The following OXR1 variants were observed in gnomAD, a reference collection of about 807,000 sequenced individuals.
OXR1 encodes oxidation resistance protein 1.
A neutral mutation model predicts 104.6 loss-of-function variants in OXR1; 41 were observed. That is an observed-to-expected ratio of 0.39 (90% CI 0.31 to 0.51). OXR1 has a LOEUF of 0.51. Among genes scored for constraint, OXR1 ranks in the 20% least tolerant of loss-of-function variants. The pLI is 0.77. For missense variants in OXR1, 955 were observed against 1,031.9 expected (o/e 0.93, Z 1.02); for synonymous variants, 348 against 348.4 (o/e 1.00, Z 0.01).
chr8:106,357,281 G>C (rs1348387377), intron 1 of OXR1, among the ~76,000 whole-genome samples: 1 of 151,870 alleles, frequency 6.6e-6, no homozygotes, highest in Non-Finnish European at 1.5e-5. Context: ...ATACAGCTTG[G>C]AAACTTTTGA....
At chr8:106,575,908 G>T (rs1817790423) in intron 3 of OXR1, among the ~76,000 whole-genome samples, 1 of 151,298 alleles carries the variant, frequency 6.6e-6, no homozygotes, top group Admixed American at 6.6e-5. Context: ...CAGCAAAGTA[G>T]AAAGGAGCAG....
chr8:106,447,873 T>G (rs959997894), intron 2 of OXR1: 8 of 1,481,566 alleles, frequency 5.4e-6, no homozygotes, highest in African/African-American at 4.2e-5. Context: ...GGTCTGATAC[T>G]AGCCCCACCC....
chr8:106,408,680 C>T (rs545702372), intron 2 of OXR1, among the ~76,000 whole-genome samples: 1 of 152,288 alleles, frequency 6.6e-6, no homozygotes, highest in African/African-American at 2.4e-5. Context: ...TGTTGCTGCT[C>T]TTTGGGCAAG....
At chr8:106,395,468 C>T (rs1817739296) in intron 2 of OXR1, among the ~76,000 whole-genome samples, 2 of 152,068 alleles carry the variant, frequency 1.3e-5, no homozygotes, top group African/African-American at 4.8e-5. Context: ...AAAGCGGAAA[C>T]CCCAGATAAA....
chr8:106,693,789 A>G (rs1305321103), intron 7 of OXR1, among the ~76,000 whole-genome samples: 1 of 152,140 alleles, frequency 6.6e-6, no homozygotes, highest in Non-Finnish European at 1.5e-5. Context: ...TTCTAATCTG[A>G]AAAGAGAATA....
Position 106,710,655 on chromosome 8 carries a change from G to T in OXR1, c.1658G>T (p.Arg553Leu). The change falls in exon 10 of 17, where the codon CGA (arginine) becomes CTA (leucine). Residue 553 changes from arginine (R) to leucine (L), a missense_variant. Arg to Leu is a moderately radical substitution (Grantham distance 102). This residue lies in a region of OXR1 where 849 missense variants were observed against 852.9 expected (regional missense o/e 1.00). Transcript: ENST00000517566. ...CTTTTAAAAGAAAAGCAAAGGCATC[G>T]ATTACATAAGTTCTTGTGTCTCAGA... is the stretch of plus-strand genomic sequence containing the variant. ...SALLKEKQRH[R>L]LHKFLCLRVG... 6.3e-7 allele frequency: 1 copy of T among 1,590,952 alleles called. No individual in the cohort carries two copies. Among genetic ancestry groups the T allele is most frequent in the Non-Finnish European group, 8.6e-7 (1 of 1,169,394 alleles).
intron 1 of OXR1, among the ~76,000 whole-genome samples, chr8:106,315,179 T>C (rs1030870361): frequency 3.3e-5 from 5 of 152,092 alleles, no homozygotes; most frequent in African/African-American, 1.2e-4. Flanking sequence ...TTTTTGTTTG[T>C]TTGTTTGTTT....
At chr8:106,700,242 G>C (rs908506513) in intron 7 of OXR1, among the ~76,000 whole-genome samples, 1 of 152,120 alleles carries the variant, frequency 6.6e-6, no homozygotes, top group Admixed American at 6.5e-5. Context: ...ATAATATGTA[G>C]GAGTTATGAA....
At chr8:106,652,810 A>T (rs1824712711) in intron 3 of OXR1, among the ~76,000 whole-genome samples, 1 of 151,886 alleles carries the variant, frequency 6.6e-6, no homozygotes, top group Non-Finnish European at 1.5e-5. Flanking sequence ...GAAAAACATT[A>T]GAGAAACCTC....
At chr8:106,288,351 C>T (rs1432868495) in intron 1 of OXR1, among the ~76,000 whole-genome samples, 1 of 152,084 alleles carries the variant, frequency 6.6e-6, no homozygotes, top group Non-Finnish European at 1.5e-5. Context: ...AAAGAAGGGA[C>T]TGTTCCAATG....
At chr8:106,544,213 T>C (rs1452763538) in intron 3 of OXR1, among the ~76,000 whole-genome samples, 11 of 151,852 alleles carry the variant, frequency 7.2e-5, no homozygotes, top group African/African-American at 1.4e-4. Flanking sequence ...TTTTCTTTTT[T>C]TTTTTTTTTC....
At chr8:106,505,482 A>T (rs932880579) in intron 2 of OXR1, among the ~76,000 whole-genome samples, 2 of 152,348 alleles carry the variant, frequency 1.3e-5, no homozygotes, top group Middle Eastern at 6.8e-3. Flanking sequence ...CAAAGTGGAC[A>T]TGAACAAATC....
chr8:106,394,197 C>A (rs966111665), intron 2 of OXR1, among the ~76,000 whole-genome samples: 1 of 151,524 alleles, frequency 6.6e-6, no homozygotes, highest in African/African-American at 2.4e-5. Context: ...CACAGCCACC[C>A]CAAAATCATG....
chr8:106,581,241 G>C, intron 3 of OXR1: 3 of 1,288,124 alleles, frequency 2.3e-6, no homozygotes, highest in Non-Finnish European at 3.0e-6. Context: ...CAATATCCAT[G>C]AAGCTGAGAA....
Position 106,706,494 on chromosome 8 carries a change from A to T in OXR1, c.973A>T (p.Thr325Ser). ...IRDAGNDSAS[T>S]APRSTEESLS... ...AGATGCAGGTAATGATAGTGCCAGC[A>T]CTGCTCCTAGGAGCACTGAGGAGTC... Residue 325 changes from threonine (T) to serine (S), a missense_variant, in exon 9 of 17, where the codon ACT (threonine) becomes TCT (serine). This residue lies in a region of OXR1 where 849 missense variants were observed against 852.9 expected (regional missense o/e 1.00). Coordinates refer to ENST00000517566, the MANE Select transcript of OXR1 (RefSeq NM_001198533.2). The T allele has an allele frequency of 6.2e-7, 1 of 1,604,304 alleles. No homozygotes were observed. The highest frequency in any genetic ancestry group is 1.1e-5 in the South Asian group (1 of 88,832).
intron 11 of OXR1, chr8:106,726,198 C>A: frequency 1.3e-6 from 2 of 1,500,532 alleles, no homozygotes; most frequent in Non-Finnish European, 1.8e-6. Flanking sequence ...CTTTTGAAAA[C>A]AGTTCTTACG....
At chr8:106,698,576 A>G (rs1830294727) in intron 7 of OXR1, among the ~76,000 whole-genome samples, 1 of 151,696 alleles carries the variant, frequency 6.6e-6, no homozygotes, top group Non-Finnish European at 1.5e-5. Context: ...TACTCCATTC[A>G]CTTTTTTCCT....
At chr8:106,704,498 A>G (rs1361368363) in intron 8 of OXR1, among the ~76,000 whole-genome samples, 3 of 138,684 alleles carry the variant, frequency 2.2e-5, no homozygotes, top group African/African-American at 8.3e-5. Flanking sequence ...CCTGGGTTCA[A>G]GCGGTTCTCC....
At chr8:106,735,028 T>C (rs1213691071) in intron 11 of OXR1, among the ~76,000 whole-genome samples, 1 of 152,214 alleles carries the variant, frequency 6.6e-6, no homozygotes, top group African/African-American at 2.4e-5. Context: ...GTTTAATCTT[T>C]TGGGTAAAGT....
Sources: allele counts gnomAD v4.1 joint callset (sites outside exome capture counted in the v4.1 genomes callset), GRCh38; gene constraint gnomAD v4.1.1; regional missense constraint gnomAD v4.1.1; transcripts MANE v1.5; gene names NCBI Gene and HGNC (gene_info 2026-07-23, HGNC 2026-07-21).